DDX10: variants seen among roughly 807,000 people sequenced by gnomAD.
DDX10 encodes probable ATP-dependent RNA helicase DDX10.
In DDX10, 74 loss-of-function variants were observed where a neutral mutation model predicts 104.3. The observed-to-expected ratio is 0.71, with a 90% CI of 0.59 to 0.86. The LOEUF (loss-of-function observed/expected upper bound fraction) is 0.86, where lower values mean the gene tolerates loss of function less well. DDX10 is among the 40% of genes least tolerant of loss of function. The pLI is 0.00. For synonymous variants in DDX10, 351 were observed against 353.4 expected, an observed-to-expected ratio of 0.99 and a Z score of 0.08; for missense variants, 952 against 1,040.0, an observed-to-expected ratio of 0.92 and a Z score of 1.16.
At chr11:108,800,459 AAAAG>A (rs1361326778) in intron 13 of DDX10, among the ~76,000 whole-genome samples, 1 of 150,918 alleles carries the variant, frequency 6.6e-6, no homozygotes, top group African/African-American at 2.4e-5. Context: ...AAAAAAAAAA[AAAAG>A]AACATCTTAA....
chr11:108,858,104 A>G (rs1450420740), intron 16 of DDX10, among the ~76,000 whole-genome samples: 1 of 152,246 alleles, frequency 6.6e-6, no homozygotes. Context: ...CCTGTTAAAC[A>G]TACCATATTC....
chr11:108,677,075 T>C lies in DDX10; in HGVS notation c.379-10T>C. Reference sequence around the variant, plus strand: ...TGACTTACTGAACATGAATTTGCTGTCTTTTTGAGGTGCTGGAAGCCTTAT... The same window carrying C: ...TGACTTACTGAACATGAATTTGCTGCCTTTTTGAGGTGCTGGAAGCCTTAT... On this transcript the variant is annotated splice_polypyrimidine_tract_variant and intron_variant, in intron 3 of 17. Coordinates refer to ENST00000322536, the MANE Select transcript of DDX10 (RefSeq NM_004398.4). 6.3e-7 allele frequency: 1 copy of C among 1,593,298 alleles called. No homozygotes were observed. Among genetic ancestry groups the C allele is most frequent in the African/African-American group, 1.3e-5 (1 of 74,402 alleles).
intron 13 of DDX10, among the ~76,000 whole-genome samples, chr11:108,750,907 GCATCA>G (rs1223342325): frequency 8.1e-6 from 1 of 122,712 alleles, no homozygotes; most frequent in African/African-American, 3.0e-5. Context: ...AAATACATGT[GCATCA>G]CCACACCTGG....
At chr11:108,850,704 C>T (rs569062571) in intron 15 of DDX10, among the ~76,000 whole-genome samples, 8 of 152,154 alleles carry the variant, frequency 5.3e-5, no homozygotes, top group East Asian at 1.9e-4. Flanking sequence ...CATATTGATA[C>T]GGATACAAAT....
chr11:108,733,109 C>CTTT (rs750603316), intron 13 of DDX10, among the ~76,000 whole-genome samples: 1 of 136,994 alleles, frequency 7.3e-6, no homozygotes. Context: ...TTTAGTCCTA[C>CTTT]TTTTTTTTTT....
At chr11:108,718,907 A>G (rs1391997631) in intron 11 of DDX10, among the ~76,000 whole-genome samples, 1 of 152,206 alleles carries the variant, frequency 6.6e-6, no homozygotes. Flanking sequence ...TTTGGAGATT[A>G]GTTGGGTAGA....
In DDX10 at chr11:108,818,773, C is replaced by A. The variant is rs75426634; in HGVS notation, c.1966-19673C>A. Among the ~76,000 whole-genome samples the A allele has an allele frequency of 3.0e-4, 45 of 152,220 alleles. No homozygotes were observed. The East Asian group carries it at 7.3e-3, about 25-fold the overall frequency. Reference sequence around the variant, plus strand: ...ACTTGGAAATGACCACACTGAATGCCAAAGATTGATTTTATGTTCCAATGT... The same window carrying A: ...ACTTGGAAATGACCACACTGAATGCAAAAGATTGATTTTATGTTCCAATGT... On this transcript the variant is annotated intron_variant, in intron 13 of 17. Coordinates refer to ENST00000322536, the MANE Select transcript of DDX10 (RefSeq NM_004398.4).
chr11:108,805,909 C>T (rs1278246741), intron 13 of DDX10, among the ~76,000 whole-genome samples: 2 of 152,084 alleles, frequency 1.3e-5, no homozygotes, highest in African/African-American at 4.8e-5. Context: ...TTATAATAAA[C>T]TATAATCTTT....
chr11:108,776,163 C>T (rs2094369605), intron 13 of DDX10, among the ~76,000 whole-genome samples: 1 of 152,136 alleles, frequency 6.6e-6, no homozygotes. Flanking sequence ...TCCAAAGTGC[C>T]ATCAAAGCTC....
In DDX10 at chr11:108,677,254, T is replaced by A. The variant is rs1172109114; in HGVS notation, c.537+11T>A. 1 of 1,609,378 alleles carries A rather than the reference T, an allele frequency of 6.2e-7. No homozygotes were observed. The highest frequency in any genetic ancestry group is 2.2e-5 in the East Asian group (1 of 44,752). ...ATCATTGGTGGAAAGGTTTGTCCTT[T>A]TGTCTATGTCCTTCCTTTCCTTCTG... On this transcript the variant is annotated intron_variant, in intron 4 of 17. Coordinates refer to ENST00000322536, the MANE Select transcript of DDX10 (RefSeq NM_004398.4).
chr11:108,794,785 C>A (rs1861916618), intron 13 of DDX10, among the ~76,000 whole-genome samples: 1 of 151,634 alleles, frequency 6.6e-6, no homozygotes, highest in Non-Finnish European at 1.5e-5. Context: ...ACTTCTACAC[C>A]TATGTTTGCG....
At chr11:108,874,796 G>C (rs144736014) in intron 16 of DDX10, among the ~76,000 whole-genome samples, 7 of 151,228 alleles carry the variant, frequency 4.6e-5, no homozygotes, top group African/African-American at 1.5e-4. Context: ...AGCCAGACTT[G>C]TTTTTTTTTA....
intron 1 of DDX10, among the ~76,000 whole-genome samples, chr11:108,672,061 G>A (rs1189924762): frequency 1.2e-5 from 1 of 80,518 alleles, no homozygotes. Flanking sequence ...ACTCCATCTC[G>A]GAAAAAAAAA....
chr11:108,789,804 C>T (rs992988377), intron 13 of DDX10, among the ~76,000 whole-genome samples: 1 of 152,182 alleles, frequency 6.6e-6, no homozygotes, highest in Non-Finnish European at 1.5e-5. Context: ...AAAGGAAATT[C>T]TAGGGCCGAT....
intron 10 of DDX10, among the ~76,000 whole-genome samples, chr11:108,715,366 C>G (rs1466758097): frequency 1.3e-5 from 2 of 152,212 alleles, no homozygotes; most frequent in African/African-American, 2.4e-5. Context: ...AAAAAGCAAA[C>G]AACAGACTAG....
intron 13 of DDX10, among the ~76,000 whole-genome samples, chr11:108,833,560 G>A (rs1429909554): frequency 2.0e-5 from 3 of 152,210 alleles, no homozygotes; most frequent in South Asian, 4.1e-4. Context: ...TCTAACAGTG[G>A]CTTCCCTAAA....
intron 13 of DDX10, among the ~76,000 whole-genome samples, chr11:108,768,196 G>A (rs2094358501): frequency 3.3e-5 from 5 of 152,138 alleles, no homozygotes; most frequent in Admixed American, 3.3e-4. Context: ...GTTACATGTG[G>A]ATTTTTGACT....
rs531168170 is a variant in DDX10, at chr11:108,806,243, G to A, written c.1966-32203G>A. Among the ~76,000 whole-genome samples the A allele has an allele frequency of 4.6e-5, 7 of 152,320 alleles. No homozygotes were observed. The South Asian group carries it at 8.3e-4, about 18-fold the overall frequency. ...CTCCCAGAGTGCTGGGATTATAGGC[G>A]TGAGCCACCGTGCCTGGCCTAAACT... On this transcript the variant is annotated intron_variant, in intron 13 of 17. Coordinates refer to ENST00000322536, the MANE Select transcript of DDX10 (RefSeq NM_004398.4).
intron 6 of DDX10, among the ~76,000 whole-genome samples, chr11:108,680,427 C>CTGGT (rs1384207838): frequency 6.6e-6 from 1 of 152,162 alleles, no homozygotes; most frequent in Admixed American, 6.5e-5. Context: ...ATTGCCCAGG[C>CTGGT]TGGTTTCAAA....
Sources: allele counts gnomAD v4.1 joint callset (sites outside exome capture counted in the v4.1 genomes callset), GRCh38; gene constraint gnomAD v4.1.1; transcripts MANE v1.5; gene names NCBI Gene and HGNC (gene_info 2026-07-23, HGNC 2026-07-21).